The following BRINP2 variants were observed in gnomAD, a reference collection of about 807,000 sequenced individuals.
The protein encoded by BRINP2 is BMP/retinoic acid inducible neural specific 2, also known as BMP/retinoic acid-inducible neural-specific protein 2.
Under a neutral mutation model 69.2 loss-of-function variants are expected in BRINP2, and 21 were observed. The observed-to-expected ratio is 0.30, with a 90% confidence interval of 0.22 to 0.44. The LOEUF (loss-of-function observed/expected upper bound fraction) is 0.44, where lower values mean the gene tolerates loss of function less well. Among genes scored for constraint, BRINP2 ranks in the 20% least tolerant of loss-of-function variants. BRINP2 has a pLI of 1.00. For synonymous variants in BRINP2, 380 were observed against 394.1 expected (o/e 0.96, Z 0.42); for missense variants, 877 against 986.0 (o/e 0.89, Z 1.48).
chr1:177,172,091 G>T (rs1376854095), intron 1 of BRINP2, among the ~76,000 whole-genome samples: 2 of 152,220 alleles, frequency 1.3e-5, no homozygotes, highest in Non-Finnish European at 2.9e-5. Flanking sequence ...AGATGACGAG[G>T]ACTTTTGCCT....
chr1:177,203,592 G>T (rs1184855123), intron 1 of BRINP2, among the ~76,000 whole-genome samples: 3 of 152,010 alleles, frequency 2.0e-5, no homozygotes, highest in Non-Finnish European at 4.4e-5. Flanking sequence ...GACCCACTGG[G>T]ATAAGGCAAG....
intron 1 of BRINP2, among the ~76,000 whole-genome samples, chr1:177,216,841 C>A (rs12731117): frequency 6.7e-6 from 1 of 149,016 alleles, no homozygotes; most frequent in East Asian, 1.9e-4. Flanking sequence ...TCCTGGCCCG[C>A]GGTGTTTCTG....
chr1:177,267,322 T>C (rs576318648), intron 4 of BRINP2, among the ~76,000 whole-genome samples: 48 of 152,350 alleles, frequency 3.2e-4, no homozygotes, highest in South Asian at 1.7e-3. Context: ...GTGTCACTAC[T>C]TTTTCATCTC....
chr1:177,230,702 G>A (rs1405038088), intron 2 of BRINP2, among the ~76,000 whole-genome samples: 19 of 152,210 alleles, frequency 1.2e-4, no homozygotes, highest in Non-Finnish European at 1.5e-5. Context: ...ATCCCCAGAA[G>A]CATCAGAGCT....
chr1:177,267,869 C>T (rs1651177369), intron 4 of BRINP2, among the ~76,000 whole-genome samples: 1 of 152,164 alleles, frequency 6.6e-6, no homozygotes, highest in Admixed American at 6.5e-5. Context: ...CCTTGGAAAC[C>T]ACTTTTTGAA....
intron 2 of BRINP2, among the ~76,000 whole-genome samples, chr1:177,234,155 C>T (rs1202198537): frequency 6.6e-6 from 1 of 152,200 alleles, no homozygotes; most frequent in Admixed American, 6.5e-5. Flanking sequence ...CCATACCTTG[C>T]TCCATTCCAT....
intron 1 of BRINP2, among the ~76,000 whole-genome samples, chr1:177,220,642 G>A (rs569974013): frequency 6.6e-6 from 1 of 152,138 alleles, no homozygotes; most frequent in Non-Finnish European, 1.5e-5. Flanking sequence ...GTGTTTCTTT[G>A]TAGCAATGCA....
At chr1:177,186,123 A>G (rs1293044726) in intron 1 of BRINP2, among the ~76,000 whole-genome samples, 1 of 152,158 alleles carries the variant, frequency 6.6e-6, no homozygotes, top group Non-Finnish European at 1.5e-5. Context: ...TGGGTTGAAG[A>G]TCTGGCCATC....
chr1:177,278,872 G>A (rs1193996559), intron 7 of BRINP2, 87 bp downstream of exon 7: 7 of 1,326,120 alleles, frequency 5.3e-6, no homozygotes, highest in East Asian at 4.8e-5. Flanking sequence ...TCCAATGTAG[G>A]GGATCAGGGA....
intron 5 of BRINP2, among the ~76,000 whole-genome samples, chr1:177,275,448 C>T (rs1207265713): frequency 6.6e-6 from 1 of 152,106 alleles, no homozygotes; most frequent in African/African-American, 2.4e-5. Flanking sequence ...CAGCCAGTCC[C>T]AGTTATATAG....
At chr1:177,274,191 G>A (rs1651421248) in intron 5 of BRINP2, among the ~76,000 whole-genome samples, 1 of 152,154 alleles carries the variant, frequency 6.6e-6, no homozygotes, top group Non-Finnish European at 1.5e-5. Flanking sequence ...GCAAAACTGT[G>A]AAAGATAAAG....
At chr1:177,280,267 A>C in intron 7 of BRINP2, 145 bp from the exon 8 acceptor site, 1 of 853,716 alleles carries the variant, frequency 1.2e-6, no homozygotes, top group Non-Finnish European at 1.8e-6. Context: ...GTAGCAAAGT[A>C]GAGTTTCTGC....
At chr1:177,266,501 T>G (rs1260888175) in intron 4 of BRINP2, among the ~76,000 whole-genome samples, 1 of 152,086 alleles carries the variant, frequency 6.6e-6, no homozygotes, top group Admixed American at 6.5e-5. Context: ...GGCTCACGCC[T>G]GTAATCCCAG....
In BRINP2 at chr1:177,280,970, T is replaced by G; in HGVS notation, c.1794T>G (p.Ser598=). 6.2e-7 allele frequency: 1 copy of G among 1,614,190 alleles called. No individual in the cohort carries two copies. The highest frequency in any genetic ancestry group is 8.5e-7 in the Non-Finnish European group (1 of 1,180,022). ...TCAACCCCTTTGGGGGCAGCCACTC[T>G]GAGAGCTGGTTCATGCCTGTGAATG... ...IYVNPFGGSH[S]ESWFMPVNEG... Residue 598 remains serine (S), a synonymous_variant, in exon 8 of 8, where the codon TCT becomes TCG. Transcript: ENST00000361539.
At chr1:177,182,858 A>G (rs749079936) in intron 1 of BRINP2, among the ~76,000 whole-genome samples, 4 of 152,232 alleles carry the variant, frequency 2.6e-5, no homozygotes, top group African/African-American at 4.8e-5. Flanking sequence ...AAATGAAATA[A>G]TGCAGAATTA....
intron 1 of BRINP2, among the ~76,000 whole-genome samples, chr1:177,188,166 C>A (rs1239364554): frequency 1.3e-5 from 2 of 152,166 alleles, no homozygotes; most frequent in Non-Finnish European, 2.9e-5. Flanking sequence ...TTTGTGACTT[C>A]TTTACAGCAG....
intron 1 of BRINP2, among the ~76,000 whole-genome samples, chr1:177,194,794 CAT>C (rs1241617153): frequency 1.3e-5 from 2 of 151,940 alleles, no homozygotes; most frequent in African/African-American, 2.4e-5. Context: ...TGTGTGTGCA[CAT>C]GAGTGTGAAG....
chr1:177,270,084 G>C (rs1164369936), intron 4 of BRINP2, among the ~76,000 whole-genome samples: 3 of 138,510 alleles, frequency 2.2e-5, no homozygotes, highest in Non-Finnish European at 4.7e-5. Context: ...GCAAGGGGTG[G>C]GGGGGGTGGT....
intron 4 of BRINP2, among the ~76,000 whole-genome samples, chr1:177,261,438 G>C (rs1650952198): frequency 6.6e-6 from 1 of 152,182 alleles, no homozygotes; most frequent in South Asian, 2.1e-4. Context: ...AAGGAATAAA[G>C]ATTTACTGCA....
Sources: allele counts gnomAD v4.1 joint callset (sites outside exome capture counted in the v4.1 genomes callset), GRCh38; gene constraint gnomAD v4.1.1; transcripts MANE v1.5; gene names NCBI Gene and HGNC (gene_info 2026-07-23, HGNC 2026-07-21).